Variants in LRCH2 observed in about 807,000 individuals in gnomAD.
The protein encoded by LRCH2 is leucine rich repeats and calponin homology domain containing 2.
Under a neutral mutation model 68.9 loss-of-function variants are expected in LRCH2, and 38 were observed. The ratio of observed to expected loss-of-function variants is 0.55; its 90% confidence interval spans 0.43 to 0.72. The LOEUF is 0.72. Ranked by LOEUF, LRCH2 falls within the 30% of genes least tolerant of loss-of-function variation. The pLI is 0.00. For missense variants in LRCH2, 528 were observed against 572.9 expected, an observed-to-expected ratio of 0.92 and a Z score of 0.80; for synonymous variants, 191 against 208.1, an observed-to-expected ratio of 0.92 and a Z score of 0.71.
chrX:115,228,948 G>T (rs12013515), intron 1 of LRCH2, among the ~76,000 whole-genome samples: 2,782 of 110,488 alleles, frequency 0.025, 38 homozygotes, highest in African/African-American at 0.044. Flanking sequence ...TTTTCTAATG[G>T]TTATATTACT....
intron 16 of LRCH2, among the ~76,000 whole-genome samples, chrX:115,124,686 CT>C (rs2072171617): frequency 1.8e-5 from 2 of 111,450 alleles, no homozygotes; most frequent in African/African-American, 6.5e-5. Context: ...TTAGCAGCAC[CT>C]TATTTAATCT....
At chrX:115,154,220 T>G (rs1018009675) in intron 12 of LRCH2, among the ~76,000 whole-genome samples, 4 of 111,387 alleles carry the variant, frequency 3.6e-5, no homozygotes, top group Non-Finnish European at 7.5e-5. Flanking sequence ...ATCCTAAACA[T>G]TTATATATCT....
chrX:115,218,666 C>G (rs782323455), intron 1 of LRCH2, among the ~76,000 whole-genome samples: 7 of 112,279 alleles, frequency 6.2e-5, no homozygotes, highest in Non-Finnish European at 1.3e-4. Flanking sequence ...TCATCGCTTT[C>G]TGCAACCAAT....
At chrX:115,119,648 T>A (rs1422171551) in intron 20 of LRCH2, among the ~76,000 whole-genome samples, 1 of 73,715 alleles carries the variant, frequency 1.4e-5, no homozygotes, top group Non-Finnish European at 2.6e-5. Context: ...ATGACTTTCT[T>A]CACAGAATTG....
intron 1 of LRCH2, chrX:115,191,868 C>T (rs781842556): frequency 2.5e-5 from 29 of 1,161,537 alleles, no homozygotes; most frequent in South Asian, 3.8e-5. Flanking sequence ...CCAGCCGGAA[C>T]GACCCCTGCA....
At chrX:115,192,596 G>GGCCT in intron 1 of LRCH2, 3 of 1,171,448 alleles carry the variant, frequency 2.6e-6, no homozygotes, top group Non-Finnish European at 3.4e-6. Flanking sequence ...AGGGGCGGAG[G>GGCCT]CCGTCAAGGA....
intron 1 of LRCH2, among the ~76,000 whole-genome samples, chrX:115,229,793 T>A (rs2073141577): frequency 8.9e-6 from 1 of 112,032 alleles, no homozygotes; most frequent in African/African-American, 3.2e-5. Context: ...GCTGTGTTTA[T>A]CTGGCTCCAT....
chrX:115,132,239 A>G (rs1214277628), intron 14 of LRCH2, among the ~76,000 whole-genome samples: 1 of 111,823 alleles, frequency 8.9e-6, no homozygotes, highest in Non-Finnish European at 1.9e-5. Flanking sequence ...TCTTTAGTCC[A>G]TCTTGAATTA....
chrX:115,160,684 T>C lies in LRCH2; in HGVS notation c.1463+2992A>G, dbSNP rs782321941. Among the ~76,000 whole-genome samples the C allele has an allele frequency of 2.2e-4, 25 of 112,295 alleles. 1 individual carries two copies. The South Asian group carries it at 8.3e-3, about 37-fold the overall frequency. Reference sequence around the variant, plus strand: ...TGTTACAACTCCTGGCCTACAATTTTAAATAGCATTTCAGATCCTTCACTA... The same window carrying C: ...TGTTACAACTCCTGGCCTACAATTTCAAATAGCATTTCAGATCCTTCACTA... On this transcript the variant is annotated intron_variant, in intron 11 of 20. Coordinates refer to ENST00000317135, the MANE Select transcript of LRCH2 (RefSeq NM_020871.4).
At chrX:115,186,813 CTTTTTTTTTT>C (rs35505436) in intron 2 of LRCH2, among the ~76,000 whole-genome samples, 2 of 54,314 alleles carry the variant, frequency 3.7e-5, no homozygotes, top group Admixed American at 2.8e-4. Flanking sequence ...TTCCCTCACA[CTTTTTTTTTT>C]TTTTTTTTTT....
At chrX:115,230,192 C>G (rs1318607963) in intron 1 of LRCH2, among the ~76,000 whole-genome samples, 3 of 111,427 alleles carry the variant, frequency 2.7e-5, no homozygotes, top group Middle Eastern at 4.2e-3. Flanking sequence ...ATCTACAGAC[C>G]ATCTCGGAGA....
chrX:115,125,895 T>C (rs1463942035), intron 16 of LRCH2, among the ~76,000 whole-genome samples: 1 of 109,107 alleles, frequency 9.2e-6, no homozygotes, highest in Non-Finnish European at 1.9e-5. Context: ...TTACCTATCA[T>C]ATGAATAATT....
intron 1 of LRCH2, among the ~76,000 whole-genome samples, chrX:115,203,197 T>G (rs1168293695): frequency 9.0e-6 from 1 of 111,591 alleles, no homozygotes; most frequent in Non-Finnish European, 1.9e-5. Flanking sequence ...TCAGATCTTG[T>G]AAGAACTCAC....
chrX:115,123,946 T>C lies in LRCH2; in HGVS notation c.1848A>G (p.Ser616=). Residue 616 remains serine, a splice_region_variant and synonymous_variant, in exon 17 of 21, where the codon TCA becomes TCG. Transcript: ENST00000317135. ...SHSPFGLKPR[S]AFSRSSRQEY... Reference sequence around the variant, plus strand: ...TTTATTTACAGAATATCTATTTACCTGATCTAGGCTTCAAGCCAAAGGGAC... The same window carrying C: ...TTTATTTACAGAATATCTATTTACCCGATCTAGGCTTCAAGCCAAAGGGAC... 9.2e-7 allele frequency: 1 copy of C among 1,092,794 alleles called. No homozygotes were observed. Among genetic ancestry groups the C allele is most frequent in the Non-Finnish European group, 1.2e-6 (1 of 820,917 alleles). 90.1% of individuals were successfully genotyped at this position (1,092,794 alleles called of 1,213,427 possible).
At chrX:115,178,094 C>T (rs1406378069) in intron 5 of LRCH2, among the ~76,000 whole-genome samples, 1 of 111,446 alleles carries the variant, frequency 9.0e-6, no homozygotes, top group African/African-American at 3.3e-5. Context: ...GGAGTAAACA[C>T]CAGTCTTCTG....
chrX:115,209,349 G>C lies in LRCH2; in HGVS notation c.350-20979C>G, dbSNP rs1198597143. 4.5e-5 allele frequency among the ~76,000 whole-genome samples: 5 copies of C among 111,860 alleles called. No homozygotes were observed. The South Asian group carries it at 1.9e-3, about 42-fold the overall frequency. ...GGAGTTAATTGAATCACAGGGGCAA[G>C]TCTTTCCCATGCTTTTCTCATGATA... On this transcript the variant is annotated intron_variant, in intron 1 of 20. Transcript: ENST00000317135.
intron 11 of LRCH2, among the ~76,000 whole-genome samples, chrX:115,157,497 A>T (rs1433390752): frequency 9.3e-6 from 1 of 108,081 alleles, no homozygotes; most frequent in Non-Finnish European, 1.9e-5. Flanking sequence ...TGGTTAGCAT[A>T]AAGAAACCAA....
intron 11 of LRCH2, among the ~76,000 whole-genome samples, chrX:115,159,547 T>C (rs183090238): frequency 0.026 from 2,862 of 109,181 alleles, 91 homozygotes; most frequent in African/African-American, 0.09. Flanking sequence ...GTCAGGAGAT[T>C]GAGACCATCC....
Position 115,203,353 on chromosome X carries a change from C to G in LRCH2, c.350-14983G>C, listed in dbSNP as rs1442412921. On this transcript the variant is annotated intron_variant, in intron 1 of 20. Transcript: ENST00000317135. ...CTAAACCATATCATTCTGCCACAGC[C>G]CTTCCCAAATCTCATTTCCTTATCA... Among the ~76,000 whole-genome samples, 3 of 111,861 alleles carry G rather than the reference C, an allele frequency of 2.7e-5. No individual in the cohort carries two copies. The Admixed American group carries it at 2.8e-4, about 11-fold the overall frequency.
Sources: allele counts gnomAD v4.1 joint callset (sites outside exome capture counted in the v4.1 genomes callset), GRCh38; gene constraint gnomAD v4.1.1; transcripts MANE v1.5; gene names NCBI Gene and HGNC (gene_info 2026-07-23, HGNC 2026-07-21).